SLC24A4: variants seen among roughly 807,000 people sequenced by gnomAD.
SLC24A4 encodes sodium/potassium/calcium exchanger 4.
SLC24A4 carries 53 observed loss-of-function variants against 79.0 expected under a neutral mutation model. That is an observed-to-expected ratio of 0.67 (90% CI 0.54 to 0.84). The LOEUF (loss-of-function observed/expected upper bound fraction) is 0.84, where lower values mean the gene tolerates loss of function less well. Ranked by LOEUF, SLC24A4 falls within the 40% of genes least tolerant of loss-of-function variation. SLC24A4 has a pLI of 0.00. For missense variants in SLC24A4, 731 were observed against 822.0 expected, an observed-to-expected ratio of 0.89 and a Z score of 1.35; for synonymous variants, 323 against 323.8, an observed-to-expected ratio of 1.00 and a Z score of 0.03.
chr14:92,442,966 C>G (rs1417938572), intron 6 of SLC24A4, 150 bp downstream of exon 6: 3 of 636,810 alleles, frequency 4.7e-6, no homozygotes, highest in Non-Finnish European at 8.3e-6. Flanking sequence ...TTTGGCCTCT[C>G]CAACAGGGAG....
chr14:92,364,165 T>C (rs551369486), intron 2 of SLC24A4, among the ~76,000 whole-genome samples: 3 of 152,372 alleles, frequency 2.0e-5, no homozygotes, highest in Admixed American at 6.5e-5. Context: ...TCATTATTAG[T>C]GTGTTGTATA....
intron 2 of SLC24A4, among the ~76,000 whole-genome samples, chr14:92,412,654 G>A (rs747304051): frequency 5.4e-4 from 82 of 151,920 alleles, no homozygotes; most frequent in Non-Finnish European, 1.0e-3. Flanking sequence ...TCCACACCAC[G>A]CCCATCCTCC....
At chr14:92,371,967 A>G (rs1233341249) in intron 2 of SLC24A4, among the ~76,000 whole-genome samples, 1 of 65,094 alleles carries the variant, frequency 1.5e-5, no homozygotes, top group African/African-American at 2.9e-5. Context: ...TGTCTGTGCC[A>G]TTCATCAGAC....
chr14:92,421,311 A>G (rs1891266374), intron 2 of SLC24A4, among the ~76,000 whole-genome samples: 1 of 152,184 alleles, frequency 6.6e-6, no homozygotes, highest in Admixed American at 6.5e-5. Flanking sequence ...AAGTGTAACT[A>G]CCACTCCAAT....
intron 2 of SLC24A4, among the ~76,000 whole-genome samples, chr14:92,407,810 C>T (rs1890474177): frequency 6.6e-6 from 1 of 151,306 alleles, no homozygotes; most frequent in African/African-American, 2.4e-5. Context: ...GGATACAAAT[C>T]CAAACCATAT....
chr14:92,346,384 A>C (rs1029143514), intron 2 of SLC24A4, among the ~76,000 whole-genome samples: 1 of 152,188 alleles, frequency 6.6e-6, no homozygotes, highest in South Asian at 2.1e-4. Context: ...TGGAGAAGGC[A>C]TGAGGTCACC....
chr14:92,445,237 G>A, intron 7 of SLC24A4, 80 bp from the exon 8 acceptor site: 1 of 1,535,430 alleles, frequency 6.5e-7, no homozygotes, highest in Non-Finnish European at 9.0e-7. Flanking sequence ...TTGGCTCTGG[G>A]TGCCTGGGTG....
chr14:92,487,819 A>C (rs888197705), intron 14 of SLC24A4, among the ~76,000 whole-genome samples: 10 of 152,116 alleles, frequency 6.6e-5, no homozygotes, highest in African/African-American at 2.4e-4. Context: ...TGGTCCCTTG[A>C]AGGCTCTAGG....
rs374384308 is a variant in SLC24A4 at position 92,482,753 on chromosome 14, C to G, written c.1329C>G (p.Asn443Lys). 165 of 1,614,044 alleles carry G rather than the reference C, an allele frequency of 1.0e-4. No individual in the cohort carries two copies. The highest frequency in any genetic ancestry group is 1.3e-4 in the Non-Finnish European group (151 of 1,180,030). ...LIFLLCVTIP[N>K]CSKPRWEKFF... ...TCCTCCTGTGCGTCACCATTCCCAA[C>G]TGCAGCAAGCCCCGCTGGGAGAAGT... The change falls in exon 13 of 17, where the codon AAC (asparagine) becomes AAG (lysine). Residue 443 changes from asparagine (N) to lysine (K), a missense_variant. Coordinates refer to ENST00000532405, the MANE Select transcript of SLC24A4 (RefSeq NM_153646.4).
rs1258501589 is a variant in SLC24A4 at position 92,494,600 on chromosome 14, A to G, written c.*972A>G. ...TTTGTCATTTATTGGTTAATGCTCT[A>G]GTTTCAAAACCACCCTGTTGAAAGT... On this transcript the variant is annotated 3_prime_UTR_variant, in exon 17 of 17. Coordinates refer to ENST00000532405, the MANE Select transcript of SLC24A4 (RefSeq NM_153646.4). This position sits in a 1 kb window ranked among gnomAD's most constrained non-coding sequence, Gnocchi z 4.6. 6.6e-6 allele frequency: 1 copy of G among 152,242 alleles called. No individual in the cohort carries two copies. The highest frequency in any genetic ancestry group is 2.4e-5 in the African/African-American group (1 of 41,460). The allele number at this position is 152,242 out of a possible 1,614,324, so 9.4% of individuals were successfully genotyped here.
intron 2 of SLC24A4, among the ~76,000 whole-genome samples, chr14:92,433,465 C>T (rs912040438): frequency 3.9e-5 from 6 of 152,098 alleles, no homozygotes; most frequent in South Asian, 2.1e-4. Context: ...TCTATACTTG[C>T]GAGTGGAATT....
At chr14:92,459,619 C>T (rs184053538) in intron 12 of SLC24A4, among the ~76,000 whole-genome samples, 96 of 152,308 alleles carry the variant, frequency 6.3e-4, no homozygotes, top group South Asian at 5.0e-3. Context: ...CAGGGGAAAC[C>T]TCCTTTGTGC....
chr14:92,387,245 C>T (rs1394330568), intron 2 of SLC24A4, among the ~76,000 whole-genome samples: 4 of 150,908 alleles, frequency 2.7e-5, no homozygotes, highest in African/African-American at 7.4e-5. Context: ...GGCGAGATCT[C>T]GGCTCACTGC....
intron 12 of SLC24A4, among the ~76,000 whole-genome samples, chr14:92,474,777 A>G (rs1005578118): frequency 6.6e-4 from 67 of 101,168 alleles, no homozygotes; most frequent in African/African-American, 2.2e-3. Context: ...ATATGTGTGT[A>G]TATATATGTG....
chr14:92,453,599 T>C, intron 10 of SLC24A4: 1 of 300,412 alleles, frequency 3.3e-6, no homozygotes, highest in Non-Finnish European at 6.1e-6. Flanking sequence ...TGAAAGACCC[T>C]TGTAATTAGC....
chr14:92,444,921 A>G (rs947395607), intron 7 of SLC24A4, among the ~76,000 whole-genome samples: 2 of 75,974 alleles, frequency 2.6e-5, no homozygotes, highest in African/African-American at 1.1e-4. Context: ...CACACCCTAT[A>G]TACACACACA....
At chr14:92,469,304 C>A (rs544341739) in intron 12 of SLC24A4, among the ~76,000 whole-genome samples, 1 of 152,146 alleles carries the variant, frequency 6.6e-6, no homozygotes, top group South Asian at 2.1e-4. Flanking sequence ...GTCAGGAGAT[C>A]GAGACTATCC....
chr14:92,342,741 C>G (rs1886238818), intron 2 of SLC24A4, among the ~76,000 whole-genome samples: 1 of 152,208 alleles, frequency 6.6e-6, no homozygotes, highest in African/African-American at 2.4e-5. Flanking sequence ...ATCACATCCC[C>G]CATTTGAAGA....
intron 2 of SLC24A4, among the ~76,000 whole-genome samples, chr14:92,364,416 G>C (rs1416822617): frequency 6.6e-6 from 1 of 152,134 alleles, no homozygotes; most frequent in African/African-American, 2.4e-5. Flanking sequence ...TGGGATGACT[G>C]TCCTTGAGGG....
Sources: allele counts gnomAD v4.1 joint callset (sites outside exome capture counted in the v4.1 genomes callset), GRCh38; gene constraint gnomAD v4.1.1; non-coding constraint Gnocchi (gnomAD v3.1); transcripts MANE v1.5; gene names NCBI Gene and HGNC (gene_info 2026-07-23, HGNC 2026-07-21).